Variants in MAF observed in about 807,000 individuals in gnomAD.
The protein encoded by MAF is transcription factor Maf.
In MAF, 10 loss-of-function variants were observed where a neutral mutation model predicts 22.0. The ratio of observed to expected loss-of-function variants is 0.45; its 90% CI spans 0.28 to 0.77. MAF has a LOEUF of 0.77. Among genes scored for constraint, MAF ranks in the 30% least tolerant of loss-of-function variants. MAF has a pLI of 0.12. For missense variants in MAF, 544 were observed against 548.4 expected (o/e 0.99, Z 0.08); for synonymous variants, 337 against 255.8 (o/e 1.32, Z -3.03).
Position 79,599,517 on chromosome 16 carries a change from T to C in MAF, c.386A>G (p.Asp129Gly), listed in dbSNP as rs1913860751. The change falls in exon 1 of 2, where the codon GAT becomes GGT. Residue 129 changes from aspartate to glycine, a missense_variant. Physicochemically the swap from Asp to Gly is moderately conservative, Grantham distance 94 (BLOSUM62 -1). This residue lies in a region of MAF where 342 missense variants were observed against 315.5 expected (regional missense o/e 1.08). Transcript: ENST00000326043. Reference sequence around the variant, plus strand: ...CTGCTGCGCCCCGCGCGCGTAGCCATCGAAGCCGCCCTGGAGCTGGTGGCT... The same window carrying C: ...CTGCTGCGCCCCGCGCGCGTAGCCACCGAAGCCGCCCTGGAGCTGGTGGCT... ...SNSHQLQGGF[D>G]GYARGAQQLA... 1 of 1,534,282 alleles carries C rather than the reference T, an allele frequency of 6.5e-7. No homozygotes were observed. The highest frequency in any genetic ancestry group is 1.2e-5 in the South Asian group (1 of 82,736).
At chr16:79,314,083 C>T in the MAF span, among the ~76,000 whole-genome samples, 1 of 152,196 alleles carries the variant, frequency 6.6e-6, no homozygotes. Flanking sequence ...TTTAACATTC[C>T]TAAAACGGGG....
chr16:79,596,167 C>T, intron 1 of MAF: 3 of 1,062,726 alleles, frequency 2.8e-6, no homozygotes, highest in Non-Finnish European at 3.4e-6. Flanking sequence ...AAGTGTAGGG[C>T]CATGCTCAGG....
the MAF span, among the ~76,000 whole-genome samples, chr16:79,222,688 C>A: frequency 1.3e-5 from 2 of 151,970 alleles, no homozygotes; most frequent in African/African-American, 2.4e-5. Flanking sequence ...GAAGATTTAC[C>A]AAGCAAGTGG....
At chr16:79,285,111 C>T in the MAF span, among the ~76,000 whole-genome samples, 2 of 152,158 alleles carry the variant, frequency 1.3e-5, no homozygotes, top group African/African-American at 4.8e-5. Context: ...CATTTAAATT[C>T]TTTAAGAGTT....
At chr16:79,489,401 T>G in the MAF span, among the ~76,000 whole-genome samples, 1 of 152,228 alleles carries the variant, frequency 6.6e-6, no homozygotes, top group Admixed American at 6.5e-5. Context: ...GTGTTTTGCA[T>G]CAGTTCCCGT....
the MAF span, among the ~76,000 whole-genome samples, chr16:79,280,696 T>C: frequency 2.6e-5 from 4 of 152,158 alleles, no homozygotes; most frequent in African/African-American, 9.7e-5. Context: ...GATGCTAGAC[T>C]TCAGCTGAAC....
chr16:79,222,752 A>G, the MAF span, among the ~76,000 whole-genome samples: 1 of 152,322 alleles, frequency 6.6e-6, no homozygotes, highest in African/African-American at 2.4e-5. Flanking sequence ...AGTTTAAACC[A>G]ACAAGATCAA....
the MAF span, among the ~76,000 whole-genome samples, chr16:79,476,838 G>C: frequency 6.9e-3 from 1,043 of 152,242 alleles, 13 homozygotes; most frequent in African/African-American, 0.024. Flanking sequence ...CTGTGCCTTG[G>C]TGTCTCCATC....
chr16:79,355,853 T>C, the MAF span, among the ~76,000 whole-genome samples: 1 of 152,204 alleles, frequency 6.6e-6, no homozygotes, highest in Non-Finnish European at 1.5e-5. Flanking sequence ...CATCCCTCTG[T>C]CAATATTCCC....
the MAF span, among the ~76,000 whole-genome samples, chr16:79,475,085 T>C: frequency 1.3e-5 from 2 of 152,218 alleles, no homozygotes; most frequent in South Asian, 2.1e-4. Context: ...AAAGCGCTTC[T>C]GGAAGCCTCC....
At chr16:79,303,514 C>T in the MAF span, among the ~76,000 whole-genome samples, 10 of 152,266 alleles carry the variant, frequency 6.6e-5, no homozygotes, top group African/African-American at 1.9e-4. Context: ...TGACCTTAGG[C>T]GTTGTCTCAC....
At chr16:79,554,726 C>T in the MAF span, among the ~76,000 whole-genome samples, 1 of 152,126 alleles carries the variant, frequency 6.6e-6, no homozygotes, top group African/African-American at 2.4e-5. Context: ...AGAAAAATGA[C>T]CTTCGGGGAA....
chr16:79,276,962 C>T, the MAF span, among the ~76,000 whole-genome samples: 1 of 152,142 alleles, frequency 6.6e-6, no homozygotes, highest in Admixed American at 6.6e-5. Flanking sequence ...GGCTGTGTCA[C>T]TCCAATCTCT....
chr16:79,556,014 AGTTTAGTTTAGTTTAGTTT>A, the MAF span, among the ~76,000 whole-genome samples: 2 of 119,660 alleles, frequency 1.7e-5, no homozygotes, highest in African/African-American at 2.7e-5. Flanking sequence ...TTGTTTTGTT[AGTTTAGTTTAGTTTAGTTT>A]GTTTAGTTTA....
the MAF span, among the ~76,000 whole-genome samples, chr16:79,277,391 G>C: frequency 6.6e-6 from 1 of 152,204 alleles, no homozygotes; most frequent in Non-Finnish European, 1.5e-5. Flanking sequence ...TTACAGGACT[G>C]TAGCAGGCAC....
At chr16:79,261,091 G>C in the MAF span, among the ~76,000 whole-genome samples, 3 of 152,098 alleles carry the variant, frequency 2.0e-5, no homozygotes, top group Admixed American at 6.5e-5. Context: ...TGGCTGGACC[G>C]GGAGCAGGTG....
At chr16:79,577,483 T>C in the MAF span, among the ~76,000 whole-genome samples, 32 of 152,280 alleles carry the variant, frequency 2.1e-4, no homozygotes, top group African/African-American at 7.5e-4. Context: ...TCTCTATTCA[T>C]TGTTACAGGT....
At chr16:79,520,247 C>T in the MAF span, among the ~76,000 whole-genome samples, 1 of 152,198 alleles carries the variant, frequency 6.6e-6, no homozygotes, top group African/African-American at 2.4e-5. Context: ...ACTGGCACTC[C>T]TGGTTCGAGC....
the MAF span, among the ~76,000 whole-genome samples, chr16:79,211,034 AGTGTGTGTGTGT>A: frequency 7.4e-5 from 11 of 149,602 alleles, no homozygotes; most frequent in African/African-American, 2.5e-4. Flanking sequence ...TATGGTGAGG[AGTGTGTGTGTGT>A]GTGTGTGTGT....
Sources: gnomAD v4.1 joint callset for allele counts (sites outside exome capture counted in the v4.1 genomes callset) on GRCh38, gnomAD v4.1.1 for gene constraint, gnomAD v4.1.1 regional missense constraint, MANE v1.5 for transcripts, NCBI Gene and HGNC (gene_info 2026-07-23, HGNC 2026-07-21) for gene names.